KCNQ1: variants seen among roughly 807,000 people sequenced by gnomAD.
KCNQ1 encodes potassium voltage-gated channel subfamily Q member 1, also known as potassium voltage-gated channel subfamily KQT member 1.
A neutral mutation model predicts 72.4 loss-of-function variants in KCNQ1; 49 were observed. That is an observed-to-expected ratio of 0.68 (90% CI 0.54 to 0.86). The LOEUF is 0.86. Among genes scored for constraint, KCNQ1 ranks in the 40% least tolerant of loss-of-function variants. The pLI is 0.00. For missense variants in KCNQ1, 790 were observed against 945.1 expected (o/e 0.84, Z 2.15); for synonymous variants, 450 against 412.6 (o/e 1.09, Z -1.10).
intron 11 of KCNQ1, among the ~76,000 whole-genome samples, chr11:2,718,276 G>A (rs1471453201): frequency 1.3e-5 from 2 of 152,172 alleles, no homozygotes; most frequent in Admixed American, 1.3e-4. Flanking sequence ...CTGAGCCCCA[G>A]GTAGACCCCC....
chr11:2,806,485 C>T (rs1416796371), intron 15 of KCNQ1, among the ~76,000 whole-genome samples: 1 of 152,236 alleles, frequency 6.6e-6, no homozygotes, highest in Non-Finnish European at 1.5e-5. Context: ...GTAGGCGACC[C>T]GCCTTGGGCT....
At chr11:2,757,061 T>C (rs1167617199) in intron 11 of KCNQ1, among the ~76,000 whole-genome samples, 2 of 148,746 alleles carry the variant, frequency 1.3e-5, no homozygotes, top group Non-Finnish European at 3.0e-5. Context: ...GGCAAGGGTA[T>C]CTGTTCTCAC....
chr11:2,694,674 C>T (rs1467098011), intron 11 of KCNQ1: 8 of 398,494 alleles, frequency 2.0e-5, no homozygotes, highest in South Asian at 2.5e-4. Flanking sequence ...GGACCCTATA[C>T]GGAAGACAGA....
intron 2 of KCNQ1, among the ~76,000 whole-genome samples, chr11:2,553,840 C>T (rs575644213): frequency 1.5e-4 from 23 of 152,090 alleles, no homozygotes; most frequent in East Asian, 9.6e-4. Flanking sequence ...CTCAGCCTCC[C>T]GAGTAGCTGG....
At chr11:2,840,773 A>G (rs1327955566) in intron 15 of KCNQ1, among the ~76,000 whole-genome samples, 1 of 152,212 alleles carries the variant, frequency 6.6e-6, no homozygotes, top group Non-Finnish European at 1.5e-5. Context: ...TTACAAATCA[A>G]TGAACGTGAA....
At position 2,676,176 on chromosome 11, in the gene KCNQ1, T is replaced by G. The variant is rs1590025230; in HGVS notation, c.1514+14095T>G. On this transcript the variant is annotated intron_variant, in intron 11 of 15. Coordinates refer to ENST00000155840, the MANE Select transcript of KCNQ1 (RefSeq NM_000218.3). This position sits in a 1 kb window ranked among gnomAD's most constrained non-coding sequence, Gnocchi z 4.2. Reference sequence around the variant, plus strand: ...TATTTTTCTACACTTTGCCTTTGACTTCTTCCATAGGTATGCCATACTTCT... The same window carrying G: ...TATTTTTCTACACTTTGCCTTTGACGTCTTCCATAGGTATGCCATACTTCT... 1 of 398,680 alleles carries G rather than the reference T, an allele frequency of 2.5e-6. No individual in the cohort carries two copies. Among genetic ancestry groups the G allele is most frequent in the Non-Finnish European group, 4.4e-6 (1 of 226,074 alleles). The allele number at this position is 398,680 out of a possible 1,614,324, so 24.7% of individuals were successfully genotyped here.
chr11:2,632,861 A>G (rs1011598611), intron 10 of KCNQ1: 7 of 398,328 alleles, frequency 1.8e-5, no homozygotes, highest in Admixed American at 8.8e-5. Flanking sequence ...ACTGTTGTGA[A>G]CAGTACTGCA....
rs1188363087 is a variant in KCNQ1 at position 2,745,455 on chromosome 11, G to A, written c.1515-23389G>A. ...GTATAAAGAAATGCCATTGATTTGGGGGGGTTGATCTCACACCTGACAACC... is the reference window on the plus strand; with the variant it reads ...GTATAAAGAAATGCCATTGATTTGGAGGGGTTGATCTCACACCTGACAACC... On this transcript the variant is annotated intron_variant, in intron 11 of 15. Transcript: ENST00000155840. This position sits in a 1 kb window ranked among gnomAD's most constrained non-coding sequence, Gnocchi z 6.2. 1.3e-5 allele frequency among the ~76,000 whole-genome samples: 2 copies of A among 152,140 alleles called. No homozygotes were observed. Among genetic ancestry groups the A allele is most frequent in the Non-Finnish European group, 2.9e-5 (2 of 68,020 alleles).
intron 11 of KCNQ1, among the ~76,000 whole-genome samples, chr11:2,740,491 G>A (rs919160926): frequency 2.0e-5 from 3 of 152,132 alleles, no homozygotes; most frequent in Non-Finnish European, 4.4e-5. Flanking sequence ...CAGCGCACGC[G>A]GGCTTTGAAG....
In KCNQ1 at chr11:2,450,640, C is replaced by T. The variant is rs1333556491; in HGVS notation, c.386+5156C>T. On this transcript the variant is annotated intron_variant, in intron 1 of 15. Coordinates refer to ENST00000155840, the MANE Select transcript of KCNQ1 (RefSeq NM_000218.3). This position sits in a 1 kb window ranked among gnomAD's most constrained non-coding sequence, Gnocchi z 7.9. The stretch of plus-strand genomic sequence containing the variant: ...GGCACGTCGGTGAGACCGTCCTGGC[C>T]TCCACACCCCTTCCTGGTGGGTAGC... Among the ~76,000 whole-genome samples the T allele has an allele frequency of 6.6e-6, 1 of 152,090 alleles. No homozygotes were observed. Among genetic ancestry groups the T allele is most frequent in the East Asian group, 1.9e-4 (1 of 5,178 alleles).
rs1318156618 is a variant in KCNQ1, at chr11:2,673,097, T to G, written c.1514+11016T>G. ...AGGCCACAGTAGGCCTTCACGGTAC[T>G]CAGCAGGAGACCCCAGCAGGCAGCA... is the stretch of plus-strand genomic sequence containing the variant. On this transcript the variant is annotated intron_variant, in intron 11 of 15. Transcript: ENST00000155840. The surrounding 1 kb of genome is among the most constrained non-coding windows in gnomAD (Gnocchi z 4.5). 1 of 398,738 alleles carries G rather than the reference T, an allele frequency of 2.5e-6. No homozygotes were observed. Among genetic ancestry groups the G allele is most frequent in the African/African-American group, 2.1e-5 (1 of 48,624 alleles). 24.7% of individuals were successfully genotyped at this position (398,738 alleles called of 1,614,324 possible). A position where few individuals can be genotyped will look rare whatever the true frequency, so the allele number is the denominator to read the frequency against.
chr11:2,445,380 C>T lies in KCNQ1; in HGVS notation c.282C>T (p.Tyr94=), dbSNP rs750648908. ...GCCTAGACCCGCGCGTCTCCATCTACAGCACGCGCCGCCCGGTGTTGGCGC... is the reference window on the plus strand; with the variant it reads ...GCCTAGACCCGCGCGTCTCCATCTATAGCACGCGCCGCCCGGTGTTGGCGC... The part of the protein sequence containing the change: ...PVSLDPRVSI[Y]STRRPVLART... Residue 94 remains tyrosine (Y), a synonymous_variant, in exon 1 of 16, where the codon TAC becomes TAT. Transcript: ENST00000155840. 5.0e-6 allele frequency: 8 copies of T among 1,597,834 alleles called. No homozygotes were observed. The highest frequency in any genetic ancestry group is 8.5e-7 in the Non-Finnish European group (1 of 1,179,606).
At chr11:2,794,877 T>C (rs1230203613) in intron 15 of KCNQ1, among the ~76,000 whole-genome samples, 1 of 152,122 alleles carries the variant, frequency 6.6e-6, no homozygotes, top group Non-Finnish European at 1.5e-5. Context: ...ACAGATTACC[T>C]TGTCTCTTGA....
rs1173300193 is a variant in KCNQ1 at position 2,641,225 on chromosome 11, G to A, written c.1394-20736G>A. ...GATTATGTCATATTTCTCTTTTTAG[G>A]TTTTTCAGAAATCAAACTGTTTTCT... On this transcript the variant is annotated intron_variant, in intron 10 of 15. Coordinates refer to ENST00000155840, the MANE Select transcript of KCNQ1 (RefSeq NM_000218.3). 4.0e-5 allele frequency: 16 copies of A among 398,284 alleles called. 1 individual carries two copies. In the East Asian group the frequency reaches 4.6e-4, roughly 12 times the overall value. The allele number at this position is 398,284 out of a possible 1,614,324, so 24.7% of individuals were successfully genotyped here.
chr11:2,633,272 A>G, intron 10 of KCNQ1: 2 of 398,484 alleles, frequency 5.0e-6, no homozygotes, highest in Non-Finnish European at 8.8e-6. Context: ...AATTCCTTGT[A>G]TATTCCGGAT....
At chr11:2,519,909 C>G (rs969464721) in intron 1 of KCNQ1, among the ~76,000 whole-genome samples, 1 of 152,148 alleles carries the variant, frequency 6.6e-6, no homozygotes, top group South Asian at 2.1e-4. Flanking sequence ...TCCAGTGACA[C>G]GTGTCCTCCT....
rs1846464455 is a variant in KCNQ1 at position 2,764,724 on chromosome 11, T to C, written c.1515-4120T>C. On this transcript the variant is annotated intron_variant, in intron 11 of 15. Transcript: ENST00000155840. The surrounding 1 kb of genome is among the most constrained non-coding windows in gnomAD (Gnocchi z 4.8). Reference sequence around the variant, plus strand: ...AATTTGGATTATTTTTGTTTTTGTGTCTACTTTTACATACTGTGTTTTTAA... The same window carrying C: ...AATTTGGATTATTTTTGTTTTTGTGCCTACTTTTACATACTGTGTTTTTAA... Among the ~76,000 whole-genome samples the C allele has an allele frequency of 6.6e-6, 1 of 152,244 alleles. No individual in the cohort carries two copies. The highest frequency in any genetic ancestry group is 2.1e-4 in the South Asian group (1 of 4,838).
intron 15 of KCNQ1, among the ~76,000 whole-genome samples, chr11:2,788,339 C>T (rs966162518): frequency 6.6e-6 from 1 of 152,320 alleles, no homozygotes; most frequent in African/African-American, 2.4e-5. Context: ...AGGTCTGTTC[C>T]CTGGCGTAGC....
intron 1 of KCNQ1, among the ~76,000 whole-genome samples, chr11:2,500,615 G>A (rs1225108203): frequency 6.6e-6 from 1 of 152,004 alleles, no homozygotes; most frequent in East Asian, 1.9e-4. Flanking sequence ...CAAAGACTTG[G>A]AACCAACCCA....
Sources: gnomAD v4.1 joint callset for allele counts (sites outside exome capture counted in the v4.1 genomes callset) on GRCh38, gnomAD v4.1.1 for gene constraint, Gnocchi (gnomAD v3.1) non-coding constraint, MANE v1.5 for transcripts, NCBI Gene and HGNC (gene_info 2026-07-23, HGNC 2026-07-21) for gene names.